MRGPRX3: variants seen among roughly 807,000 people sequenced by gnomAD.
MRGPRX3 encodes the protein mas-related G protein-coupled receptor member X3.
In MRGPRX3, 14 loss-of-function variants were observed where a neutral mutation model predicts 16.5. The ratio of observed to expected loss-of-function variants is 0.85; its 90% CI spans 0.56 to 1.33. MRGPRX3 has a LOEUF of 1.33. MRGPRX3 is among the 40% of genes most tolerant of loss of function. The pLI is 0.00. For synonymous variants in MRGPRX3, 199 were observed against 180.1 expected (o/e 1.10, Z -0.84); for missense variants, 449 against 413.0 (o/e 1.09, Z -0.76).
chr11:18,123,680 T>C (rs943236971), intron 1 of MRGPRX3, among the ~76,000 whole-genome samples: 9 of 152,242 alleles, frequency 5.9e-5, no homozygotes, highest in African/African-American at 2.2e-4. Context: ...GGCTCTTTTT[T>C]GCTTCCATAT....
intron 1 of MRGPRX3, among the ~76,000 whole-genome samples, chr11:18,136,203 C>A (rs1286109125): frequency 1.3e-5 from 2 of 152,130 alleles, no homozygotes; most frequent in African/African-American, 2.4e-5. Context: ...ACTTAGTAGT[C>A]CCCCATACAT....
At chr11:18,130,696 CAAA>C (rs3072496), upstream of MRGPRX3, among the ~76,000 whole-genome samples, 3 of 133,206 alleles carry the variant, frequency 2.3e-5, no homozygotes, top group Non-Finnish European at 3.1e-5. Context: ...GAACAACAAC[CAAA>C]AAAAAAAAAA....
At position 18,138,097 on chromosome 11, in the gene MRGPRX3, C is replaced by A. The variant is rs144841097; in HGVS notation, c.895C>A (p.Pro299Thr). ...TCTCCAGAGGGCTCTGCAGGACACG[C>A]CTGAGGTGGATGAAGGTGGAGGGTG... Reference protein sequence around the residue: ...LVLQRALQDTPEVDEGGGWLP... With the variant: ...LVLQRALQDTTEVDEGGGWLP... The change falls in exon 2 of 2, where the codon CCT (proline) becomes ACT (threonine). Residue 299 changes from proline to threonine, a missense_variant. By Grantham distance (38) the Pro-to-Thr change is conservative (BLOSUM62 -1). Coordinates refer to ENST00000621697, the MANE Select transcript of MRGPRX3 (RefSeq NM_001370464.1). 2 of 1,614,162 alleles carry A rather than the reference C, an allele frequency of 1.2e-6. No individual in the cohort carries two copies. The highest frequency in any genetic ancestry group is 1.1e-5 in the South Asian group (1 of 91,070).
chr11:18,125,050 T>C (rs957502360), intron 1 of MRGPRX3, among the ~76,000 whole-genome samples: 2 of 149,862 alleles, frequency 1.3e-5, no homozygotes, highest in Non-Finnish European at 3.0e-5. Context: ...TTTATCATTT[T>C]TTATTGCATC....
At chr11:18,127,695 A>T (rs1848915858), upstream of MRGPRX3, among the ~76,000 whole-genome samples, 2 of 152,110 alleles carry the variant, frequency 1.3e-5, no homozygotes, top group South Asian at 4.1e-4. Context: ...AAGGTTTTTA[A>T]CTTCTTTGCC....
At chr11:18,131,824 A>T (rs1028266357), upstream of MRGPRX3, among the ~76,000 whole-genome samples, 1 of 152,142 alleles carries the variant, frequency 6.6e-6, no homozygotes, top group African/African-American at 2.4e-5. Flanking sequence ...ACCAAACATC[A>T]TATGTTCTCA....
Position 18,124,478 on chromosome 11 carries a change from G to A in MRGPRX3, c.-152+3314G>A, listed in dbSNP as rs1848870568. On this transcript the variant is annotated intron_variant, in intron 1 of 2. Transcript: ENST00000396275. The stretch of plus-strand genomic sequence containing the variant: ...TTTTTGTCTTTGGTTCTGTTTATAT[G>A]CTGGATTATGTTTATTGATTTGCGT... 2.0e-5 allele frequency among the ~76,000 whole-genome samples: 3 copies of A among 152,188 alleles called. No homozygotes were observed. In the South Asian group the frequency reaches 6.2e-4, roughly 32 times the overall value.
chr11:18,128,170 A>G (rs1188662353), upstream of MRGPRX3, among the ~76,000 whole-genome samples: 2 of 152,222 alleles, frequency 1.3e-5, no homozygotes, highest in Non-Finnish European at 2.9e-5. Context: ...GTGAGGTGTC[A>G]GTCTGCCCCT....
chr11:18,130,784 T>C (rs1003637101), upstream of MRGPRX3, among the ~76,000 whole-genome samples: 1 of 149,482 alleles, frequency 6.7e-6, no homozygotes, highest in Non-Finnish European at 1.5e-5. Context: ...CTTCAAACTA[T>C]ACTACAAGGC....
rs1849021441 is a variant in MRGPRX3 at position 18,137,505 on chromosome 11, G to A, written c.303G>A (p.Val101=). The change falls in exon 2 of 2, where the codon GTG becomes GTA. Residue 101 remains valine (V), a synonymous_variant. Transcript: ENST00000621697. The stretch of plus-strand genomic sequence containing the variant: ...CCATCTCCAAAATCCTCAGTCCTGT[G>A]ATGACCTTTCCCTACTTTATAGGCC... ...RHPISKILSP[V]MTFPYFIGLS... 1 of 1,614,110 alleles carries A rather than the reference G, an allele frequency of 6.2e-7. No homozygotes were observed. Among genetic ancestry groups the A allele is most frequent in the Non-Finnish European group, 8.5e-7 (1 of 1,180,042 alleles).
chr11:18,136,713 C>A (rs1344525245), intron 1 of MRGPRX3, among the ~76,000 whole-genome samples: 1 of 152,212 alleles, frequency 6.6e-6, no homozygotes. Flanking sequence ...TTCTCACCCA[C>A]CAGGTCCCGC....
At chr11:18,129,761 T>C (rs1219196248), upstream of MRGPRX3, among the ~76,000 whole-genome samples, 1 of 152,122 alleles carries the variant, frequency 6.6e-6, no homozygotes, top group East Asian at 1.9e-4. Context: ...CACTGATGAA[T>C]ATACATGCAG....
intron 1 of MRGPRX3, among the ~76,000 whole-genome samples, chr11:18,122,014 AAAAAGAAAAAAAG>A (rs1365422451): frequency 1.8e-4 from 5 of 27,862 alleles, no homozygotes; most frequent in Non-Finnish European, 1.1e-3. Context: ...AAATTTAAAA[AAAAAGAAAAAAAG>A]AAAAAAAAAA....
At chr11:18,135,766 A>G (rs1384322639) in intron 1 of MRGPRX3, among the ~76,000 whole-genome samples, 2 of 152,088 alleles carry the variant, frequency 1.3e-5, no homozygotes, top group Non-Finnish European at 2.9e-5. Context: ...TAATCGACAC[A>G]TAGTGGTGCT....
chr11:18,136,249 C>T (rs1399365068), intron 1 of MRGPRX3, among the ~76,000 whole-genome samples: 1 of 152,222 alleles, frequency 6.6e-6, no homozygotes, highest in Non-Finnish European at 1.5e-5. Context: ...CAGTGGCACT[C>T]AGGCTCACCC....
intron 1 of MRGPRX3, among the ~76,000 whole-genome samples, chr11:18,122,503 C>T (rs1186036443): frequency 3.9e-5 from 6 of 152,218 alleles, no homozygotes; most frequent in African/African-American, 1.4e-4. Flanking sequence ...CACGTCCCTG[C>T]AAAGGACATG....
intron 1 of MRGPRX3, among the ~76,000 whole-genome samples, chr11:18,126,556 T>A (rs1000636399): frequency 2.0e-5 from 3 of 152,194 alleles, no homozygotes. Context: ...GTTTGTTACA[T>A]ATGTATACAG....
chr11:18,136,047 T>C (rs569374301), intron 1 of MRGPRX3, among the ~76,000 whole-genome samples: 2 of 152,214 alleles, frequency 1.3e-5, no homozygotes, highest in African/African-American at 2.4e-5. Context: ...CATGAATATC[T>C]CTCTTTACAA....
intron 1 of MRGPRX3, among the ~76,000 whole-genome samples, chr11:18,135,095 G>T (rs982742951): frequency 6.6e-6 from 1 of 152,152 alleles, no homozygotes; most frequent in Admixed American, 6.5e-5. Flanking sequence ...CCAGGGGCTG[G>T]TATTGGACCT....
Sources: allele counts gnomAD v4.1 joint callset (sites outside exome capture counted in the v4.1 genomes callset), GRCh38; gene constraint gnomAD v4.1.1; transcripts MANE v1.5; gene names NCBI Gene and HGNC (gene_info 2026-07-23, HGNC 2026-07-21).